Variants in PDE3A observed in about 807,000 individuals in gnomAD.
The protein encoded by PDE3A is phosphodiesterase 3A.
PDE3A carries 43 observed loss-of-function variants against 98.3 expected under a neutral mutation model. That is an observed-to-expected ratio of 0.44 (90% CI 0.34 to 0.56). PDE3A has a LOEUF of 0.56. Ranked by LOEUF, PDE3A falls within the 20% of genes least tolerant of loss-of-function variation. PDE3A has a pLI of 0.01. For synonymous variants in PDE3A, 663 were observed against 567.9 expected, an observed-to-expected ratio of 1.17 and a Z score of -2.38; for missense variants, 1,427 against 1,440.7, an observed-to-expected ratio of 0.99 and a Z score of 0.15.
chr12:20,373,501 G>A (rs929264853), intron 1 of PDE3A, among the ~76,000 whole-genome samples: 1 of 152,016 alleles, frequency 6.6e-6, no homozygotes, highest in African/African-American at 2.4e-5. Context: ...TTGAAGGGGT[G>A]TCTCTCCATT....
chr12:20,673,618 C>T (rs1158274992), intron 15 of PDE3A, among the ~76,000 whole-genome samples: 1 of 150,056 alleles, frequency 6.7e-6, no homozygotes, highest in African/African-American at 2.5e-5. Flanking sequence ...CCAAAGACCG[C>T]ATATTCTCAC....
chr12:20,501,361 GA>G (rs1193434142), intron 1 of PDE3A, among the ~76,000 whole-genome samples: 1 of 152,134 alleles, frequency 6.6e-6, no homozygotes, highest in Non-Finnish European at 1.5e-5. Context: ...CGTCAAGTCA[GA>G]TTTTTTTTAT....
At chr12:20,429,172 A>G (rs901286048) in intron 1 of PDE3A, among the ~76,000 whole-genome samples, 2 of 152,246 alleles carry the variant, frequency 1.3e-5, no homozygotes, top group African/African-American at 4.8e-5. Flanking sequence ...AACGATGTGA[A>G]GATGAAATAC....
intron 1 of PDE3A, among the ~76,000 whole-genome samples, chr12:20,386,769 G>A (rs1943819017): frequency 6.6e-6 from 1 of 151,996 alleles, no homozygotes; most frequent in South Asian, 2.1e-4. Context: ...CTATGGAGAA[G>A]CTCTTTAATT....
At chr12:20,437,773 G>A (rs1944803746) in intron 1 of PDE3A, among the ~76,000 whole-genome samples, 1 of 152,078 alleles carries the variant, frequency 6.6e-6, no homozygotes. Context: ...GAGATTTAGA[G>A]GGGTAAGATA....
chr12:20,512,916 C>T (rs958311533), intron 1 of PDE3A, among the ~76,000 whole-genome samples: 3 of 151,946 alleles, frequency 2.0e-5, no homozygotes, highest in Admixed American at 6.6e-5. Context: ...TCAATAATGC[C>T]GTATTATTCA....
chr12:20,466,973 A>G (rs532637003), intron 1 of PDE3A, among the ~76,000 whole-genome samples: 35 of 152,310 alleles, frequency 2.3e-4, no homozygotes, highest in Non-Finnish European at 2.8e-4. Context: ...CAAATTTTTC[A>G]GAAATAAGCA....
chr12:20,607,715 G>GT (rs1943747058), intron 2 of PDE3A, among the ~76,000 whole-genome samples: 1 of 150,378 alleles, frequency 6.6e-6, no homozygotes, highest in African/African-American at 2.4e-5. Flanking sequence ...TGCTTGGTAA[G>GT]TTTTTTTTTT....
intron 3 of PDE3A, among the ~76,000 whole-genome samples, chr12:20,615,016 C>CTTTTTTTTTTTTTTTTTTTTTTT (rs11313010): frequency 5.1e-5 from 3 of 59,124 alleles, no homozygotes; most frequent in Non-Finnish European, 6.2e-5. Context: ...TTCTCTCTTT[C>CTTTTTTTTTTTTTTTTTTTTTTT]TTTTTTTTTT....
At chr12:20,679,480 C>A (rs1043889304) in intron 15 of PDE3A, among the ~76,000 whole-genome samples, 28 of 152,152 alleles carry the variant, frequency 1.8e-4, no homozygotes, top group Non-Finnish European at 3.2e-4. Context: ...ATCTCCTGAG[C>A]TCGTGATTCG....
intron 1 of PDE3A, among the ~76,000 whole-genome samples, chr12:20,523,744 C>T (rs1946469526): frequency 6.6e-6 from 1 of 152,116 alleles, no homozygotes; most frequent in Non-Finnish European, 1.5e-5. Flanking sequence ...AACAATACTT[C>T]CCTGATGTAG....
In PDE3A at chr12:20,368,902, T is replaced by C. The variant is rs573934659; in HGVS notation, c.-383T>C. On this transcript the variant is annotated 5_prime_UTR_variant, in exon 1 of 16. Transcript: ENST00000359062. Reference sequence around the variant, plus strand: ...CAGCGGCTCCTGCGCGCGGGATGCATTGGGCAATTTTTGAAATCCTGAAGT... The same window carrying C: ...CAGCGGCTCCTGCGCGCGGGATGCACTGGGCAATTTTTGAAATCCTGAAGT... Among the ~76,000 whole-genome samples the C allele has an allele frequency of 2.0e-5, 3 of 151,684 alleles. No individual in the cohort carries two copies. Among genetic ancestry groups the C allele is most frequent in the South Asian group, 2.1e-4 (1 of 4,790 alleles).
chr12:20,608,742 A>G (rs1289095127), intron 2 of PDE3A, among the ~76,000 whole-genome samples: 1 of 152,046 alleles, frequency 6.6e-6, no homozygotes, highest in Non-Finnish European at 1.5e-5. Flanking sequence ...CTTCTTCCCA[A>G]TAATTTATTT....
At chr12:20,405,223 A>G (rs1944211496) in intron 1 of PDE3A, among the ~76,000 whole-genome samples, 1 of 152,038 alleles carries the variant, frequency 6.6e-6, no homozygotes, top group South Asian at 2.1e-4. Context: ...TGTCCATTCT[A>G]TTATGGGTGT....
At chr12:20,665,433 C>A (rs1008197693) in intron 15 of PDE3A, among the ~76,000 whole-genome samples, 5 of 152,038 alleles carry the variant, frequency 3.3e-5, no homozygotes, top group Non-Finnish European at 7.4e-5. Flanking sequence ...ATGTTGAAAA[C>A]TTTGAATCAT....
chr12:20,648,978 T>G (rs964432599), intron 13 of PDE3A, 87 bp downstream of exon 13: 3 of 816,842 alleles, frequency 3.7e-6, no homozygotes, highest in African/African-American at 3.7e-5. Context: ...CAGACTGGAG[T>G]GCAGTGGCAC....
At chr12:20,397,561 T>C (rs73234019) in intron 1 of PDE3A, among the ~76,000 whole-genome samples, 1 of 152,032 alleles carries the variant, frequency 6.6e-6, no homozygotes, top group Non-Finnish European at 1.5e-5. Context: ...GTAAGATGTA[T>C]ATGATAATAT....
chr12:20,606,452 T>C (rs1943710266), intron 2 of PDE3A, among the ~76,000 whole-genome samples: 1 of 152,178 alleles, frequency 6.6e-6, no homozygotes, highest in African/African-American at 2.4e-5. Context: ...TTTAGAAACT[T>C]AGATGCCTTT....
intron 10 of PDE3A, among the ~76,000 whole-genome samples, chr12:20,644,880 T>C (rs1190468267): frequency 1.9e-5 from 2 of 104,198 alleles, no homozygotes; most frequent in Non-Finnish European, 3.7e-5. Flanking sequence ...CCCCTCTTCC[T>C]CTTCTTCCTT....
Sources: gnomAD v4.1 joint callset for allele counts (sites outside exome capture counted in the v4.1 genomes callset) on GRCh38, gnomAD v4.1.1 for gene constraint, MANE v1.5 for transcripts, NCBI Gene and HGNC (gene_info 2026-07-23, HGNC 2026-07-21) for gene names.